FYN: variants seen among roughly 807,000 people sequenced by gnomAD.
FYN encodes the protein FYN proto-oncogene, Src family tyrosine kinase.
A neutral mutation model predicts 70.2 loss-of-function variants in FYN; 10 were observed. The observed-to-expected ratio is 0.14, with a 90% confidence interval of 0.09 to 0.24. FYN has a LOEUF of 0.24. Among genes scored for constraint, FYN ranks in the 10% least tolerant of loss-of-function variants. The probability of loss-of-function intolerance (pLI) is 1.00; values close to 1 mark genes in which losing one functional copy is unlikely to be tolerated. For synonymous variants in FYN, 236 were observed against 248.6 expected (o/e 0.95, Z 0.48); for missense variants, 319 against 673.1 (o/e 0.47, Z 5.82).
intron 1 of FYN, among the ~76,000 whole-genome samples, chr6:111,865,790 G>A (rs950087200): frequency 6.6e-5 from 10 of 152,142 alleles, no homozygotes; most frequent in African/African-American, 2.2e-4. Context: ...AGTCAAACTC[G>A]AGGGATTTCC....
intron 7 of FYN, 52 bp downstream of exon 7, chr6:111,703,947 A>T: frequency 7.2e-7 from 1 of 1,379,888 alleles, no homozygotes; most frequent in East Asian, 2.3e-5. Context: ...ATCCCCTCTG[A>T]CTAATCCACA....
intron 8 of FYN, among the ~76,000 whole-genome samples, chr6:111,700,948 G>T: frequency 6.6e-6 from 1 of 150,840 alleles, no homozygotes; most frequent in East Asian, 1.9e-4. Flanking sequence ...CACCATGTCA[G>T]ATACTCCTGG....
At chr6:111,668,158 C>G (rs1004789042) in intron 13 of FYN, among the ~76,000 whole-genome samples, 1 of 152,212 alleles carries the variant, frequency 6.6e-6, no homozygotes, top group South Asian at 2.1e-4. Context: ...CCTGCGCCAT[C>G]GCATGTGCTT....
intron 4 of FYN, among the ~76,000 whole-genome samples, chr6:111,717,473 T>A (rs1249669776): frequency 6.6e-6 from 1 of 151,724 alleles, no homozygotes; most frequent in Non-Finnish European, 1.5e-5. Context: ...TTTTTTTTTT[T>A]CTTTTGAGAT....
At chr6:111,849,768 C>G (rs1047258924) in intron 1 of FYN, among the ~76,000 whole-genome samples, 4 of 152,250 alleles carry the variant, frequency 2.6e-5, no homozygotes, top group African/African-American at 9.6e-5. Flanking sequence ...TCTCACCAAC[C>G]CTGCTGGGTA....
intron 10 of FYN, among the ~76,000 whole-genome samples, chr6:111,695,836 G>GAGCT (rs1311355367): frequency 6.6e-6 from 1 of 152,132 alleles, no homozygotes; most frequent in Non-Finnish European, 1.5e-5. Flanking sequence ...TTTAAGAAGA[G>GAGCT]AGCTGGAAAT....
intron 3 of FYN, among the ~76,000 whole-genome samples, chr6:111,729,289 C>T (rs1242779201): frequency 6.6e-6 from 1 of 152,064 alleles, no homozygotes; most frequent in Admixed American, 6.6e-5. Flanking sequence ...GCCTAGCCAA[C>T]ATAGTGAAAC....
chr6:111,841,218 C>G (rs565418530), intron 2 of FYN, among the ~76,000 whole-genome samples: 1 of 152,352 alleles, frequency 6.6e-6, no homozygotes, highest in South Asian at 2.1e-4. Flanking sequence ...ACAGGGCGAC[C>G]ACCTTGCAGG....
At chr6:111,665,858 A>G (rs1797976702) in intron 13 of FYN, among the ~76,000 whole-genome samples, 2 of 152,122 alleles carry the variant, frequency 1.3e-5, no homozygotes, top group South Asian at 4.2e-4. Context: ...CTTGGCTTCA[A>G]GTGATCTGCC....
intron 2 of FYN, among the ~76,000 whole-genome samples, chr6:111,791,015 T>C (rs1250087846): frequency 6.6e-6 from 1 of 152,218 alleles, no homozygotes; most frequent in African/African-American, 2.4e-5. Flanking sequence ...ACCAATTTTT[T>C]TTGTTTTTAA....
At chr6:111,730,637 G>A (rs1192555878) in intron 3 of FYN, among the ~76,000 whole-genome samples, 1 of 152,118 alleles carries the variant, frequency 6.6e-6, no homozygotes, top group African/African-American at 2.4e-5. Flanking sequence ...CACTGAGCTG[G>A]GCATTTTAAT....
chr6:111,853,864 C>T (rs1298998570), intron 1 of FYN, among the ~76,000 whole-genome samples: 1 of 152,170 alleles, frequency 6.6e-6, no homozygotes, highest in Non-Finnish European at 1.5e-5. Context: ...AGTGATCCTC[C>T]TGCTTTGTCA....
chr6:111,872,351 G>C (rs1317494695), intron 1 of FYN, among the ~76,000 whole-genome samples: 1 of 150,848 alleles, frequency 6.6e-6, no homozygotes, highest in Non-Finnish European at 1.5e-5. Context: ...GCAGAGGGGT[G>C]GGGGACAGAG....
chr6:111,774,298 A>G (rs933375875), intron 3 of FYN, among the ~76,000 whole-genome samples: 1 of 152,212 alleles, frequency 6.6e-6, no homozygotes, highest in African/African-American at 2.4e-5. Context: ...AGTGGAAATT[A>G]ATTCTGTGAT....
rs576117301 is a variant in FYN, at chr6:111,675,805, A to G, written c.1274-1175T>C. Among the ~76,000 whole-genome samples, 3 of 151,384 alleles carry G rather than the reference A, an allele frequency of 2.0e-5. No homozygotes were observed. In the South Asian group the frequency reaches 6.2e-4, roughly 31 times the overall value. On this transcript the variant is annotated intron_variant, in intron 12 of 13. Transcript: ENST00000354650. The stretch of plus-strand genomic sequence containing the variant: ...AAGAGTCCGTCTCAGAAAAAAATGA[A>G]ATAAAATAAAAATAAATAAATAAAT...
chr6:111,810,814 T>C (rs1431837728), intron 2 of FYN, among the ~76,000 whole-genome samples: 1 of 152,202 alleles, frequency 6.6e-6, no homozygotes, highest in Non-Finnish European at 1.5e-5. Context: ...AACAAAGCAT[T>C]CTGTCCTTCT....
chr6:111,707,877 A>C (rs767854571), intron 6 of FYN, 45 bp downstream of exon 6: 38 of 1,441,094 alleles, frequency 2.6e-5, no homozygotes, highest in Non-Finnish European at 3.5e-5. Context: ...TGCGGCAATC[A>C]ACTTTTAAAA....
chr6:111,844,160 T>G (rs1247485752), intron 2 of FYN, among the ~76,000 whole-genome samples: 1 of 152,228 alleles, frequency 6.6e-6, no homozygotes, highest in Non-Finnish European at 1.5e-5. Flanking sequence ...TAAAGCACTC[T>G]GCATAGCAGA....
chr6:111,794,474 T>G (rs1328658977), intron 2 of FYN, among the ~76,000 whole-genome samples: 2 of 151,866 alleles, frequency 1.3e-5, no homozygotes, highest in African/African-American at 4.8e-5. Context: ...TCCTCGAGAG[T>G]CTGCAGCCAG....
Sources: allele counts gnomAD v4.1 joint callset (sites outside exome capture counted in the v4.1 genomes callset), GRCh38; gene constraint gnomAD v4.1.1; transcripts MANE v1.5; gene names NCBI Gene and HGNC (gene_info 2026-07-23, HGNC 2026-07-21).